The following MAMSTR variants were observed in gnomAD, a reference collection of about 807,000 sequenced individuals.
MAMSTR encodes the protein MEF2-activating motif and SAP domain-containing transcriptional regulator.
A neutral mutation model predicts 42.7 loss-of-function variants in MAMSTR; 41 were observed. That is an observed-to-expected ratio of 0.96 (90% CI 0.75 to 1.25). The LOEUF is 1.25. Ranked by LOEUF, MAMSTR falls within the 50% of genes most tolerant of loss-of-function variation. The pLI is 0.00. For synonymous variants in MAMSTR, 265 were observed against 244.1 expected (o/e 1.09, Z -0.80); for missense variants, 567 against 557.6 (o/e 1.02, Z -0.17).
intron 6 of MAMSTR, 26 bp from the exon 7 acceptor site, chr19:48,714,586 A>T (rs1476762406): frequency 6.8e-7 from 1 of 1,462,146 alleles, no homozygotes; most frequent in Non-Finnish European, 8.9e-7. Flanking sequence ...GCGTGGGAAG[A>T]GGCAGTGCTG....
the MAMSTR span, among the ~76,000 whole-genome samples, chr19:48,707,281 T>A: frequency 7.2e-5 from 11 of 151,814 alleles, no homozygotes; most frequent in Non-Finnish European, 1.0e-4. Flanking sequence ...GCTGCTGTGG[T>A]GGCACGCACC....
chr19:48,707,876 AAAG>A (rs902778960), downstream of MAMSTR, among the ~76,000 whole-genome samples: 63 of 114,092 alleles, frequency 5.5e-4, no homozygotes, highest in Non-Finnish European at 6.8e-4. Flanking sequence ...AGAAAGAAAG[AAAG>A]AAAGAAAGAA....
Position 48,715,269 on chromosome 19 carries a change from G to A in MAMSTR, c.418C>T (p.His140Tyr), listed in dbSNP as rs758590820. 4.4e-6 allele frequency: 7 copies of A among 1,587,974 alleles called. No individual in the cohort carries two copies. In the East Asian group the frequency reaches 1.6e-4, roughly 36 times the overall value. ...CAGAAGTGGGTGTCATACCTAGGAT[G>A]TGGCTGCTGCGAGTCTGTCCCTTCC... ...LWEGTDSQQPHPRMKPSPLTP... is the reference protein window; with the variant it reads ...LWEGTDSQQPYPRMKPSPLTP... Residue 140 changes from histidine to tyrosine, a missense_variant, in exon 5 of 10, where the codon CAT becomes TAT. Transcript: ENST00000318083.
At chr19:48,710,249 T>C (rs186561159), downstream of MAMSTR, among the ~76,000 whole-genome samples, 2,904 of 149,186 alleles carry the variant, frequency 0.019, 92 homozygotes, top group African/African-American at 0.066. Flanking sequence ...GAACTACAGG[T>C]GTGCACCACC....
At chr19:48,707,875 G>GA (rs397842872), downstream of MAMSTR, among the ~76,000 whole-genome samples, 1 of 110,214 alleles carries the variant, frequency 9.1e-6, no homozygotes, top group South Asian at 2.7e-4. Context: ...AAGAAAGAAA[G>GA]AAAGAAAGAA....
At position 48,714,908 on chromosome 19, in the gene MAMSTR, C is replaced by T; in HGVS notation, c.426G>A (p.Arg142=). Residue 142 remains arginine, a splice_region_variant and synonymous_variant, in exon 6 of 10, where the codon AGG becomes AGA. Coordinates refer to ENST00000318083, the MANE Select transcript of MAMSTR (RefSeq NM_001130915.2). ...AGGGAGTGAGGGGAGAGGGCTTCATCCTGGTGATAATCGTGAGGGGCGAAC... is the reference window on the plus strand; with the variant it reads ...AGGGAGTGAGGGGAGAGGGCTTCATTCTGGTGATAATCGTGAGGGGCGAAC... ...EGTDSQQPHP[R]MKPSPLTPCP... The T allele has an allele frequency of 6.3e-7, 1 of 1,592,598 alleles. No individual in the cohort carries two copies. The highest frequency in any genetic ancestry group is 8.6e-7 in the Non-Finnish European group (1 of 1,164,302).
chr19:48,714,625 G>A, intron 6 of MAMSTR, 65 bp from the exon 7 acceptor site: 1 of 1,427,284 alleles, frequency 7.0e-7, no homozygotes, highest in Non-Finnish European at 9.3e-7. Flanking sequence ...GGCAGGAGCT[G>A]GACAGGATAT....
chr19:48,712,397 G>A (rs1292528040), downstream of MAMSTR, among the ~76,000 whole-genome samples: 2 of 151,464 alleles, frequency 1.3e-5, no homozygotes, highest in East Asian at 3.9e-4. Flanking sequence ...GGTTTCTCCT[G>A]GGAACATTTC....
intron 3 of MAMSTR, 48 bp downstream of exon 3, chr19:48,716,657 T>G: frequency 1.5e-6 from 2 of 1,328,762 alleles, no homozygotes; most frequent in Non-Finnish European, 1.9e-6. Context: ...GATATCCCAG[T>G]GGGGAGTGGG....
At position 48,713,507 on chromosome 19, in the gene MAMSTR, G is replaced by A. The variant is rs768867623; in HGVS notation, c.1008C>T (p.Asp336=). ...CAGAGTCCGGGGAGGGGGACAGCAC[G>A]TCGAAGGAGCCAGGGAAGTCCAGGG... ...PIPLDFPGSF[D]VLSPSPDSEG... Residue 336 remains aspartate, a synonymous_variant, in exon 10 of 10, where the codon GAC becomes GAT. Transcript: ENST00000318083. 1 of 1,612,774 alleles carries A rather than the reference G, an allele frequency of 6.2e-7. No homozygotes were observed. The highest frequency in any genetic ancestry group is 1.1e-5 in the South Asian group (1 of 91,000).
the MAMSTR span, among the ~76,000 whole-genome samples, chr19:48,707,587 A>C: frequency 6.9e-6 from 1 of 144,560 alleles, no homozygotes; most frequent in African/African-American, 2.6e-5. Flanking sequence ...CTAAAAATAC[A>C]AAAATTAGCC....
In MAMSTR at chr19:48,719,542, G is replaced by A. The variant is rs2033173539; in HGVS notation, c.-22+137C>T. ...CCTGACAGGTTTCTGAGGAATAGAA[G>A]GGCCCCTGTGACCTGCATCTGAGAA... On this transcript the variant is annotated intron_variant, in intron 1 of 9. Coordinates refer to ENST00000318083, the MANE Select transcript of MAMSTR (RefSeq NM_001130915.2). This position sits in a 1 kb window ranked among gnomAD's most constrained non-coding sequence, Gnocchi z 4.4. 6.3e-6 allele frequency: 1 copy of A among 158,920 alleles called. No homozygotes were observed. Among genetic ancestry groups the A allele is most frequent in the Admixed American group, 6.0e-5 (1 of 16,558 alleles). 9.8% of individuals were successfully genotyped at this position (158,920 alleles called of 1,614,324 possible).
Position 48,714,018 on chromosome 19 carries a change from G to A in MAMSTR, c.751C>T (p.Pro251Ser). 2 of 1,604,562 alleles carry A rather than the reference G, an allele frequency of 1.2e-6. No homozygotes were observed. The highest frequency in any genetic ancestry group is 1.7e-6 in the Non-Finnish European group (2 of 1,175,968). Residue 251 changes from proline to serine, a missense_variant, in exon 8 of 10, where the codon CCA becomes TCA. Physicochemically the swap from Pro to Ser is moderately conservative, Grantham distance 74 (BLOSUM62 -1). Coordinates refer to ENST00000318083, the MANE Select transcript of MAMSTR (RefSeq NM_001130915.2). The stretch of plus-strand genomic sequence containing the variant: ...GTATCCGCGGCACGTGGAAGAGGTG[G>A]CCTGTGAGATGCTGCGCTGGGCTTG... ...SVKPSAASHR[P>S]PLPRAADTPG...
chr19:48,710,414 CT>C (rs551847729), downstream of MAMSTR, among the ~76,000 whole-genome samples: 27,955 of 98,992 alleles, frequency 0.28, 2,313 homozygotes, highest in East Asian at 0.59. Flanking sequence ...TGGGCCCAAT[CT>C]TTTTTTTTTT....
chr19:48,708,577 G>C (rs927980088), downstream of MAMSTR, among the ~76,000 whole-genome samples: 1 of 152,142 alleles, frequency 6.6e-6, no homozygotes, highest in Non-Finnish European at 1.5e-5. Flanking sequence ...GGCAGTGCCG[G>C]CAGTGCAGGA....
At chr19:48,712,245 T>C (rs1390709416), downstream of MAMSTR, among the ~76,000 whole-genome samples, 1 of 152,016 alleles carries the variant, frequency 6.6e-6, no homozygotes, top group Non-Finnish European at 1.5e-5. Flanking sequence ...CCCAGTTCCA[T>C]GTGTCCCAAG....
chr19:48,719,083 C>CA lies in MAMSTR; in HGVS notation c.-21-32dup. On this transcript the variant is annotated intron_variant, in intron 1 of 9. Coordinates refer to ENST00000318083, the MANE Select transcript of MAMSTR (RefSeq NM_001130915.2). The surrounding 1 kb of genome is among the most constrained non-coding windows in gnomAD (Gnocchi z 4.4). ...CGGAGAGGGGGCAGGGCAGGGGCCC[C>CA]ATAGAGGGCTGGCTCAGAGTGGAGG... The CA allele has an allele frequency of 6.7e-7, 1 of 1,500,336 alleles. No homozygotes were observed. The highest frequency in any genetic ancestry group is 9.1e-7 in the Non-Finnish European group (1 of 1,102,726). The allele number at this position is 1,500,336 out of a possible 1,614,324, so 92.9% of individuals were successfully genotyped here.
intron 2 of MAMSTR, among the ~76,000 whole-genome samples, chr19:48,717,293 CTG>C (rs950469073): frequency 6.6e-6 from 1 of 151,868 alleles, no homozygotes; most frequent in East Asian, 1.9e-4. Context: ...CATGTTAACA[CTG>C]TTTTTTTTTC....
chr19:48,716,700 C>T lies in MAMSTR; in HGVS notation c.97+5G>A, dbSNP rs2033050867. 1 of 1,336,172 alleles carries T rather than the reference C, an allele frequency of 7.5e-7. No homozygotes were observed. Among genetic ancestry groups the T allele is most frequent in the Non-Finnish European group, 9.7e-7 (1 of 1,035,078 alleles). 82.8% of individuals were successfully genotyped at this position (1,336,172 alleles called of 1,614,324 possible). A position where few individuals can be genotyped will look rare whatever the true frequency, so the allele number is the denominator to read the frequency against. On this transcript the variant is annotated splice_donor_5th_base_variant and intron_variant, in intron 3 of 9. Transcript: ENST00000318083. ...CATCCCCTCCCTTTTGGGGCCCATA[C>T]TTACTCTGCTCCTGATTCCGTCTGT...
Sources: gnomAD v4.1 joint callset for allele counts (sites outside exome capture counted in the v4.1 genomes callset) on GRCh38, gnomAD v4.1.1 for gene constraint, Gnocchi (gnomAD v3.1) non-coding constraint, MANE v1.5 for transcripts, NCBI Gene and HGNC (gene_info 2026-07-23, HGNC 2026-07-21) for gene names.